Variants in ST6GALNAC5 observed in about 807,000 individuals in gnomAD.
ST6GALNAC5 encodes the protein ST6 N-acetylgalactosaminide alpha-2,6-sialyltransferase 5, also known as alpha-N-acetylgalactosaminide alpha-2,6-sialyltransferase 5.
Under a neutral mutation model 33.6 loss-of-function variants are expected in ST6GALNAC5, and 27 were observed. The observed-to-expected ratio is 0.80, with a 90% CI of 0.59 to 1.11. The LOEUF (loss-of-function observed/expected upper bound fraction) is 1.11. ST6GALNAC5 is among the 50% of genes least tolerant of loss of function. The pLI is 0.00. For missense variants in ST6GALNAC5, 428 were observed against 454.0 expected (o/e 0.94, Z 0.52); for synonymous variants, 194 against 171.2 (o/e 1.13, Z -1.04).
chr1:76,969,598 G>A (rs1165489709), intron 2 of ST6GALNAC5, among the ~76,000 whole-genome samples: 2 of 152,190 alleles, frequency 1.3e-5, no homozygotes, highest in Admixed American at 1.3e-4. Context: ...ATGGGGGCAG[G>A]GCATAGCTGA....
At chr1:77,049,795 C>T (rs1652160161) in intron 3 of ST6GALNAC5, among the ~76,000 whole-genome samples, 1 of 152,066 alleles carries the variant, frequency 6.6e-6, no homozygotes, top group Non-Finnish European at 1.5e-5. Context: ...AGTCAATCAA[C>T]CAATTGACTA....
chr1:76,985,514 C>T (rs1031802194), intron 2 of ST6GALNAC5, among the ~76,000 whole-genome samples: 2 of 152,068 alleles, frequency 1.3e-5, no homozygotes, highest in Non-Finnish European at 2.9e-5. Context: ...GAAAAGAGGA[C>T]ACAAACAAAT....
chr1:76,970,720 C>A (rs900926993), intron 2 of ST6GALNAC5, among the ~76,000 whole-genome samples: 4 of 152,152 alleles, frequency 2.6e-5, no homozygotes, highest in Non-Finnish European at 4.4e-5. Context: ...CACAAAGATA[C>A]TCCTCGAGAA....
In ST6GALNAC5 at chr1:76,977,847, G is replaced by T. The variant is rs188561820; in HGVS notation, c.262-66357G>T. Among the ~76,000 whole-genome samples, 633 of 152,114 alleles carry T rather than the reference G, an allele frequency of 4.2e-3. 7 individuals carry two copies. Among genetic ancestry groups the T allele is most frequent in the African/African-American group, 0.014 (570 of 41,508 alleles). ...TTTCCTTTGGATATATATAATAATG[G>T]CATTGCTGTATCATATGATAGTTCT... On this transcript the variant is annotated intron_variant, in intron 2 of 4. Transcript: ENST00000477717.
rs5775372 is a variant in ST6GALNAC5 at position 77,015,050 on chromosome 1, AACAC to A, written c.262-29120_262-29117del. Among the ~76,000 whole-genome samples, 335 of 122,538 alleles carry A rather than the reference AACAC, an allele frequency of 2.7e-3. 4 individuals carry two copies. The highest frequency in any genetic ancestry group is 0.014 in the East Asian group (60 of 4,176). The allele number at this position is 122,538 out of a possible 152,430, so 80.4% of individuals were successfully genotyped here. On this transcript the variant is annotated intron_variant, in intron 2 of 4. Coordinates refer to ENST00000477717, the MANE Select transcript of ST6GALNAC5 (RefSeq NM_030965.3). ...AGAAACAATAGGACACTCGCACACA[AACAC>A]ACACACACACACACACACACACACA...
At chr1:77,019,127 C>T (rs1235771077) in intron 2 of ST6GALNAC5, among the ~76,000 whole-genome samples, 1 of 152,140 alleles carries the variant, frequency 6.6e-6, no homozygotes, top group African/African-American at 2.4e-5. Flanking sequence ...GCTTTAGATG[C>T]CAGGGCAGGG....
chr1:76,999,489 T>G (rs569248691), intron 2 of ST6GALNAC5, among the ~76,000 whole-genome samples: 17 of 152,140 alleles, frequency 1.1e-4, no homozygotes, highest in East Asian at 5.8e-4. Context: ...GGGTTTGTTT[T>G]TTTTTTTTCA....
At chr1:76,876,763 A>G (rs1570630180) in intron 2 of ST6GALNAC5, among the ~76,000 whole-genome samples, 1 of 152,326 alleles carries the variant, frequency 6.6e-6, no homozygotes, top group East Asian at 1.9e-4. Context: ...AGAAAGGGCC[A>G]TAGTGCTGCA....
intron 4 of ST6GALNAC5, among the ~76,000 whole-genome samples, chr1:77,053,533 T>C (rs1652297246): frequency 6.6e-6 from 1 of 152,220 alleles, no homozygotes; most frequent in South Asian, 2.1e-4. Flanking sequence ...AATAGCCATT[T>C]CTGCCTCTCA....
At chr1:77,062,492 G>T (rs1652611715) in intron 4 of ST6GALNAC5, among the ~76,000 whole-genome samples, 1 of 152,150 alleles carries the variant, frequency 6.6e-6, no homozygotes, top group South Asian at 2.1e-4. Flanking sequence ...AACATACTGG[G>T]AATCCACAAG....
chr1:76,897,251 G>T (rs1300641197), intron 2 of ST6GALNAC5, among the ~76,000 whole-genome samples: 1 of 152,188 alleles, frequency 6.6e-6, no homozygotes, highest in Admixed American at 6.5e-5. Flanking sequence ...AAGAAAGCAG[G>T]TTTGAGATCT....
intron 2 of ST6GALNAC5, among the ~76,000 whole-genome samples, chr1:76,945,974 C>T (rs537104838): frequency 1.3e-5 from 2 of 152,060 alleles, no homozygotes; most frequent in Non-Finnish European, 1.5e-5. Flanking sequence ...TCCATTTTAC[C>T]GTAAATACTA....
chr1:76,903,313 T>A (rs1051193532), intron 2 of ST6GALNAC5, among the ~76,000 whole-genome samples: 1 of 151,986 alleles, frequency 6.6e-6, no homozygotes, highest in African/African-American at 2.4e-5. Flanking sequence ...ATCAAAGAAA[T>A]GCAAATCAAA....
In ST6GALNAC5 at chr1:76,981,068, G is replaced by A. The variant is rs547973316; in HGVS notation, c.262-63136G>A. 2.6e-5 allele frequency among the ~76,000 whole-genome samples: 4 copies of A among 152,318 alleles called. No homozygotes were observed. In the South Asian group the frequency reaches 6.2e-4, roughly 24 times the overall value. On this transcript the variant is annotated intron_variant, in intron 2 of 4. Coordinates refer to ENST00000477717, the MANE Select transcript of ST6GALNAC5 (RefSeq NM_030965.3). ...ACAGCTTCGGTCTGCATCTCCCAGC[G>A]TGATCAACACAGAAGACAGGTGATT...
rs1570625466 is a variant in ST6GALNAC5, at chr1:76,871,788, A to T, written c.261+3046A>T. 2.0e-5 allele frequency among the ~76,000 whole-genome samples: 3 copies of T among 152,232 alleles called. No individual in the cohort carries two copies. The East Asian group carries it at 5.8e-4, about 29-fold the overall frequency. On this transcript the variant is annotated intron_variant, in intron 2 of 4. Coordinates refer to ENST00000477717, the MANE Select transcript of ST6GALNAC5 (RefSeq NM_030965.3). ...GTATCACTAAATGAAGGCTACATGG[A>T]GTTTCTTGTCATAATGAAGGCATTT...
At chr1:76,978,086 C>T (rs566984520) in intron 2 of ST6GALNAC5, among the ~76,000 whole-genome samples, 2 of 152,174 alleles carry the variant, frequency 1.3e-5, no homozygotes, top group East Asian at 3.9e-4. Context: ...TGATATTGAC[C>T]ATTTTTTGTC....
chr1:76,955,417 T>G (rs1647919182), intron 2 of ST6GALNAC5, among the ~76,000 whole-genome samples: 1 of 152,196 alleles, frequency 6.6e-6, no homozygotes, highest in African/African-American at 2.4e-5. Flanking sequence ...AAGGTGAGGG[T>G]AAATTCAGCA....
intron 2 of ST6GALNAC5, among the ~76,000 whole-genome samples, chr1:76,974,773 CTTTTTTTTTTT>C (rs60357939): frequency 2.8e-5 from 1 of 35,240 alleles, no homozygotes. Context: ...TTCTTTCTTT[CTTTTTTTTTTT>C]TTTTTTTTTT....
chr1:77,051,808 G>T (rs1348660821), intron 4 of ST6GALNAC5, among the ~76,000 whole-genome samples: 3 of 152,088 alleles, frequency 2.0e-5, no homozygotes, highest in Non-Finnish European at 4.4e-5. Context: ...GCACTTATGG[G>T]CATGCAAAGA....
Sources: gnomAD v4.1 joint callset for allele counts (sites outside exome capture counted in the v4.1 genomes callset) on GRCh38, gnomAD v4.1.1 for gene constraint, MANE v1.5 for transcripts, NCBI Gene and HGNC (gene_info 2026-07-23, HGNC 2026-07-21) for gene names.